Variants in SGK3 observed in about 807,000 individuals in gnomAD.
SGK3 encodes serine/threonine-protein kinase Sgk3.
In SGK3, 47 loss-of-function variants were observed where a neutral mutation model predicts 68.5. The observed-to-expected ratio is 0.69, with a 90% CI of 0.54 to 0.87. SGK3 has a LOEUF of 0.87. Among genes scored for constraint, SGK3 ranks in the 40% least tolerant of loss-of-function variants. SGK3 has a pLI of 0.00. For synonymous variants in SGK3, 181 were observed against 189.1 expected (o/e 0.96, Z 0.35); for missense variants, 479 against 575.5 (o/e 0.83, Z 1.72).
intron 1 of SGK3, among the ~76,000 whole-genome samples, chr8:66,764,101 G>A (rs1016260034): frequency 2.6e-5 from 4 of 152,074 alleles, no homozygotes; most frequent in African/African-American, 9.7e-5. Flanking sequence ...GGGCTCAAGC[G>A]ATCTGCCCAC....
chr8:66,763,403 T>C (rs1206145652), intron 1 of SGK3, among the ~76,000 whole-genome samples: 1 of 152,208 alleles, frequency 6.6e-6, no homozygotes, highest in Non-Finnish European at 1.5e-5. Flanking sequence ...CTGGTAGTCA[T>C]TGATATCATA....
At chr8:66,857,200 A>T (rs982418908) in intron 16 of SGK3, among the ~76,000 whole-genome samples, 3 of 152,212 alleles carry the variant, frequency 2.0e-5, no homozygotes, top group Non-Finnish European at 4.4e-5. Flanking sequence ...ACGTACATAC[A>T]TACATACATA....
chr8:66,723,406 T>C (rs1230683187), intron 1 of SGK3, among the ~76,000 whole-genome samples: 1 of 151,216 alleles, frequency 6.6e-6, no homozygotes, highest in Non-Finnish European at 1.5e-5. Context: ...ATCACGCCAT[T>C]GCACTCCAGC....
chr8:66,765,465 A>C (rs1325440310), intron 1 of SGK3, among the ~76,000 whole-genome samples: 1 of 152,100 alleles, frequency 6.6e-6, no homozygotes, highest in African/African-American at 2.4e-5. Context: ...GACTCTTATG[A>C]GATAATGTGA....
intron 7 of SGK3, among the ~76,000 whole-genome samples, chr8:66,829,118 CTGT>C (rs1809193091): frequency 6.6e-6 from 1 of 152,056 alleles, no homozygotes; most frequent in Admixed American, 6.6e-5. Flanking sequence ...TGGTGCACCC[CTGT>C]TGTTAGCCAG....
intron 10 of SGK3, among the ~76,000 whole-genome samples, chr8:66,839,451 G>T (rs1809675344): frequency 8.2e-6 from 1 of 122,492 alleles, no homozygotes; most frequent in Non-Finnish European, 1.6e-5. Flanking sequence ...AACTAATTCA[G>T]ATTTTTTGAA....
intron 10 of SGK3, 65 bp downstream of exon 10, chr8:66,836,139 T>C (rs1455991107): frequency 2.6e-6 from 4 of 1,552,670 alleles, no homozygotes; most frequent in Non-Finnish European, 1.7e-6. Flanking sequence ...TCAAAGTTTT[T>C]CTTGTAAGTT....
chr8:66,823,170 A>G (rs1296247361), intron 6 of SGK3, among the ~76,000 whole-genome samples: 1 of 151,990 alleles, frequency 6.6e-6, no homozygotes, highest in African/African-American at 2.4e-5. Flanking sequence ...TTCACTTCAC[A>G]TCTTATTTTA....
chr8:66,831,921 C>T lies in SGK3; in HGVS notation c.525+610C>T, dbSNP rs941718186. Among the ~76,000 whole-genome samples the T allele has an allele frequency of 2.0e-5, 3 of 151,770 alleles. No individual in the cohort carries two copies. The South Asian group carries it at 6.2e-4, about 32-fold the overall frequency. ...TGACATGGTTACTACCTTTGTGGTG[C>T]TTACAATCTCGGTGGGGGGATAGTC... On this transcript the variant is annotated intron_variant, in intron 8 of 16. Transcript: ENST00000521198.
intron 3 of SGK3, among the ~76,000 whole-genome samples, chr8:66,799,857 C>T (rs998123560): frequency 2.0e-5 from 3 of 152,166 alleles, no homozygotes; most frequent in African/African-American, 7.2e-5. Flanking sequence ...CTCCTGGCCT[C>T]ATGTGATCCG....
At chr8:66,784,363 G>T (rs957506055) in intron 1 of SGK3, among the ~76,000 whole-genome samples, 5 of 152,064 alleles carry the variant, frequency 3.3e-5, no homozygotes, top group African/African-American at 9.7e-5. Flanking sequence ...TTTGGGACAC[G>T]TTTGTTTTTA....
chr8:66,770,172 T>A (rs1367942282), intron 1 of SGK3, among the ~76,000 whole-genome samples: 1 of 151,864 alleles, frequency 6.6e-6, no homozygotes, highest in African/African-American at 2.4e-5. Flanking sequence ...GCCAGGATGG[T>A]CTTGATCTCG....
At chr8:66,821,404 G>C (rs1808810977) in intron 5 of SGK3, among the ~76,000 whole-genome samples, 1 of 152,026 alleles carries the variant, frequency 6.6e-6, no homozygotes, top group African/African-American at 2.4e-5. Context: ...AGTTACCATA[G>C]TTGACTTACT....
intron 1 of SGK3, among the ~76,000 whole-genome samples, chr8:66,777,650 A>G (rs910481716): frequency 6.6e-6 from 1 of 152,056 alleles, no homozygotes; most frequent in East Asian, 1.9e-4. Context: ...CATTCCCTTC[A>G]TTTTAATTTG....
At chr8:66,842,717 AT>A (rs1809845388) in intron 13 of SGK3, among the ~76,000 whole-genome samples, 1 of 152,188 alleles carries the variant, frequency 6.6e-6, no homozygotes, top group Admixed American at 6.5e-5. Flanking sequence ...TAATTCTCAG[AT>A]GAGAATGCAA....
chr8:66,806,383 A>G (rs1488431902), intron 4 of SGK3, among the ~76,000 whole-genome samples: 1 of 152,234 alleles, frequency 6.6e-6, no homozygotes, highest in Non-Finnish European at 1.5e-5. Context: ...TTAAAGTATT[A>G]CTAAATATAT....
rs193108419 is a variant in SGK3 at position 66,854,577 on chromosome 8, C to T, written c.1320+3657C>T. On this transcript the variant is annotated intron_variant, in intron 16 of 16. Transcript: ENST00000521198. The stretch of plus-strand genomic sequence containing the variant: ...GTAAGCTGAAAGAAAATATTCATTT[C>T]TGGGTCAATGAATCACTCTTATTAA... Among the ~76,000 whole-genome samples the T allele has an allele frequency of 2.6e-5, 4 of 152,150 alleles. No homozygotes were observed. The East Asian group carries it at 7.7e-4, about 29-fold the overall frequency.
rs960604032 is a variant in SGK3 at position 66,839,986 on chromosome 8, C to A, written c.742-17C>A. 5.2e-5 allele frequency: 84 copies of A among 1,612,014 alleles called. No homozygotes were observed. The highest frequency in any genetic ancestry group is 6.9e-5 in the Non-Finnish European group (81 of 1,178,976). On this transcript the variant is annotated splice_polypyrimidine_tract_variant and intron_variant, in intron 10 of 16. Coordinates refer to ENST00000521198, the MANE Select transcript of SGK3 (RefSeq NM_001033578.3). ...CTAACATTCTCTCTCCCCCCACCCC[C>A]ACAACCAATTTGACAGCTTTTTTTC...
At chr8:66,778,972 T>C (rs1806839421) in intron 1 of SGK3, among the ~76,000 whole-genome samples, 1 of 152,230 alleles carries the variant, frequency 6.6e-6, no homozygotes, top group Non-Finnish European at 1.5e-5. Context: ...TGGAATACTG[T>C]TTCTTTGCTT....
Sources: gnomAD v4.1 joint callset for allele counts (sites outside exome capture counted in the v4.1 genomes callset) on GRCh38, gnomAD v4.1.1 for gene constraint, MANE v1.5 for transcripts, NCBI Gene and HGNC (gene_info 2026-07-23, HGNC 2026-07-21) for gene names.